The following MINDY2 variants were observed in gnomAD, a reference collection of about 807,000 sequenced individuals.
MINDY2 encodes the protein ubiquitin carboxyl-terminal hydrolase MINDY-2.
In MINDY2, 52 loss-of-function variants were observed where a neutral mutation model predicts 68.2. The observed-to-expected ratio is 0.76, with a 90% CI of 0.61 to 0.96. The LOEUF (loss-of-function observed/expected upper bound fraction) is 0.96. Among genes scored for constraint, MINDY2 ranks in the 40% least tolerant of loss-of-function variants. MINDY2 has a pLI of 0.00. For missense variants in MINDY2, 881 were observed against 773.4 expected (o/e 1.14, Z -1.65); for synonymous variants, 372 against 303.0 (o/e 1.23, Z -2.36).
At chr15:58,832,658 G>A (rs1331844643) in intron 6 of MINDY2, among the ~76,000 whole-genome samples, 1 of 151,762 alleles carries the variant, frequency 6.6e-6, no homozygotes, top group Non-Finnish European at 1.5e-5. Flanking sequence ...CTCCCGAGTA[G>A]CTGGGATTAT....
chr15:58,817,028 A>G (rs1303153999), intron 4 of MINDY2, among the ~76,000 whole-genome samples: 3 of 152,210 alleles, frequency 2.0e-5, no homozygotes, highest in African/African-American at 7.2e-5. Context: ...GTTTGAAACT[A>G]TGTTCCTGAT....
intron 6 of MINDY2, among the ~76,000 whole-genome samples, chr15:58,837,553 A>AC (rs1181569567): frequency 6.6e-6 from 1 of 151,738 alleles, no homozygotes; most frequent in African/African-American, 2.4e-5. Context: ...AAAAAAAAAA[A>AC]AGGAAACCTT....
chr15:58,844,421 G>A (rs1013079330), intron 6 of MINDY2, among the ~76,000 whole-genome samples: 6 of 151,768 alleles, frequency 4.0e-5, no homozygotes, highest in Non-Finnish European at 8.8e-5. Context: ...GCATGGTGGC[G>A]GGCGCCTGTA....
chr15:58,822,064 A>G (rs2031094162), intron 5 of MINDY2, among the ~76,000 whole-genome samples: 1 of 152,098 alleles, frequency 6.6e-6, no homozygotes, highest in Admixed American at 6.6e-5. Context: ...AGCCTGGCCA[A>G]CATGATGAAA....
rs2030734648 is a variant in MINDY2, at chr15:58,817,039, A to G, written c.1123-4678A>G. Among the ~76,000 whole-genome samples, 3 of 152,216 alleles carry G rather than the reference A, an allele frequency of 2.0e-5. No homozygotes were observed. The South Asian group carries it at 6.2e-4, about 31-fold the overall frequency. On this transcript the variant is annotated intron_variant, in intron 4 of 8. Coordinates refer to ENST00000559228, the MANE Select transcript of MINDY2 (RefSeq NM_001040450.3). The stretch of plus-strand genomic sequence containing the variant: ...AAAAGTTTGAAACTATGTTCCTGAT[A>G]TTATGACATCACTGTACGGAGGGAT...
intron 5 of MINDY2, among the ~76,000 whole-genome samples, chr15:58,825,041 A>G (rs2031305299): frequency 6.6e-6 from 1 of 152,146 alleles, no homozygotes; most frequent in South Asian, 2.1e-4. Context: ...TTAGCCTGCA[A>G]TTGTAGCTTT....
Position 58,821,797 on chromosome 15 carries a change from C to G in MINDY2, c.1203C>G (p.Asp401Glu). Residue 401 changes from aspartate to glutamate, a missense_variant, in exon 5 of 9, where the codon GAC becomes GAG. Coordinates refer to ENST00000559228, the MANE Select transcript of MINDY2 (RefSeq NM_001040450.3). ...VEKIISCKQS[D>E]NSELVSEGFV... ...AGATCATCTCTTGTAAACAGTCAGACAATAGTGAGCTGGTTAGTGAAGGTG... is the reference window on the plus strand; with the variant it reads ...AGATCATCTCTTGTAAACAGTCAGAGAATAGTGAGCTGGTTAGTGAAGGTG... 1 of 1,589,470 alleles carries G rather than the reference C, an allele frequency of 6.3e-7. No homozygotes were observed. Among genetic ancestry groups the G allele is most frequent in the Non-Finnish European group, 8.5e-7 (1 of 1,171,068 alleles).
chr15:58,843,243 G>T (rs1392151955), intron 6 of MINDY2, among the ~76,000 whole-genome samples: 4 of 152,070 alleles, frequency 2.6e-5, no homozygotes, highest in Non-Finnish European at 5.9e-5. Context: ...TCTATCTCTT[G>T]GGTTCAAGCG....
intron 7 of MINDY2, among the ~76,000 whole-genome samples, chr15:58,848,000 T>A (rs773391457): frequency 6.6e-6 from 1 of 151,856 alleles, no homozygotes; most frequent in Non-Finnish European, 1.5e-5. Context: ...GAGGCCAAGG[T>A]AAGGAGGAGT....
Position 58,861,418 on chromosome 15 carries a change from A to G in MINDY2, c.*6808A>G, listed in dbSNP as rs567005628. On this transcript the variant is annotated 3_prime_UTR_variant, in exon 9 of 9. Coordinates refer to ENST00000559228, the MANE Select transcript of MINDY2 (RefSeq NM_001040450.3). ...TCTTAATACCCATTTTACTTCTGAA[A>G]TAATTCATCTGTTTTGCTTTATGAC... 6.6e-6 allele frequency: 1 copy of G among 152,268 alleles called. No homozygotes were observed. The highest frequency in any genetic ancestry group is 2.4e-5 in the African/African-American group (1 of 41,548). The allele number at this position is 152,268 out of a possible 1,614,324, so 9.4% of individuals were successfully genotyped here.
chr15:58,837,447 C>G (rs1337387686), intron 6 of MINDY2, among the ~76,000 whole-genome samples: 3 of 151,420 alleles, frequency 2.0e-5, no homozygotes, highest in Admixed American at 2.0e-4. Context: ...GTGGTACGCA[C>G]CTATAGTCCC....
At chr15:58,797,480 C>G (rs1172227633) in intron 2 of MINDY2, among the ~76,000 whole-genome samples, 1 of 152,144 alleles carries the variant, frequency 6.6e-6, no homozygotes, top group African/African-American at 2.4e-5. Flanking sequence ...TGTACTCCAG[C>G]CTGGGTGACA....
rs1902103477 is a variant in MINDY2, at chr15:58,793,959, G to GT, written c.898+6000dup. On this transcript the variant is annotated intron_variant, in intron 2 of 8. Transcript: ENST00000559228. ...GTGAAACCAGCCAGCATGGTGTTAT[G>GT]TTTTCTCAGTCACGTTCAGCTGCAC... 6.6e-5 allele frequency among the ~76,000 whole-genome samples: 10 copies of GT among 152,276 alleles called. No individual in the cohort carries two copies. In the South Asian group the frequency reaches 2.1e-3, roughly 32 times the overall value.
intron 2 of MINDY2, among the ~76,000 whole-genome samples, chr15:58,796,947 G>A (rs1266540210): frequency 6.6e-6 from 1 of 152,158 alleles, no homozygotes; most frequent in Non-Finnish European, 1.5e-5. Context: ...ATGGAATTGT[G>A]TAAGGCAGAT....
intron 8 of MINDY2, among the ~76,000 whole-genome samples, chr15:58,853,816 CAATA>C (rs1454333724): frequency 1.1e-4 from 5 of 43,822 alleles, no homozygotes; most frequent in Admixed American, 6.1e-4. Flanking sequence ...GACTCCATCT[CAATA>C]AAAAAAAAAA....
At chr15:58,835,721 G>T (rs1344683642) in intron 6 of MINDY2, among the ~76,000 whole-genome samples, 4 of 152,054 alleles carry the variant, frequency 2.6e-5, no homozygotes, top group African/African-American at 9.7e-5. Flanking sequence ...AGTTTAATCA[G>T]TTGGCCAAAA....
intron 2 of MINDY2, among the ~76,000 whole-genome samples, chr15:58,797,344 A>G (rs1595721182): frequency 6.6e-6 from 1 of 152,036 alleles, no homozygotes; most frequent in Non-Finnish European, 1.5e-5. Flanking sequence ...CTATCTTTAC[A>G]AAAAATTTAA....
chr15:58,817,459 C>G (rs1186284766), intron 4 of MINDY2, among the ~76,000 whole-genome samples: 2 of 152,218 alleles, frequency 1.3e-5, no homozygotes, highest in Non-Finnish European at 2.9e-5. Context: ...GGCGCAGTGG[C>G]TCACACCTGT....
chr15:58,834,909 G>GT (rs2031920379), intron 6 of MINDY2, among the ~76,000 whole-genome samples: 3 of 152,214 alleles, frequency 2.0e-5, no homozygotes, highest in African/African-American at 4.8e-5. Context: ...TTAGCTAGAT[G>GT]TATGTCAGAT....
Sources: allele counts gnomAD v4.1 joint callset (sites outside exome capture counted in the v4.1 genomes callset), GRCh38; gene constraint gnomAD v4.1.1; transcripts MANE v1.5; gene names NCBI Gene and HGNC (gene_info 2026-07-23, HGNC 2026-07-21).